The following CCDC92B variants were observed in gnomAD, a reference collection of about 807,000 sequenced individuals.
CCDC92B encodes the protein coiled-coil domain-containing 92B.
CCDC92B carries 2 observed loss-of-function variants against 5.6 expected under a neutral mutation model. That is an observed-to-expected ratio of 0.36 (90% CI 0.15 to 1.12). The LOEUF (loss-of-function observed/expected upper bound fraction) is 1.12, where lower values mean the gene tolerates loss of function less well. Among genes scored for constraint, CCDC92B ranks in the 50% most tolerant of loss-of-function variants. CCDC92B has a pLI of 0.40. For synonymous variants in CCDC92B, 115 were observed against 122.3 expected, an observed-to-expected ratio of 0.94 and a Z score of 0.39; for missense variants, 271 against 262.2, an observed-to-expected ratio of 1.03 and a Z score of -0.23.
intron 3 of CCDC92B, among the ~76,000 whole-genome samples, chr17:2,729,364 T>G (rs1009080070): frequency 1.3e-4 from 20 of 152,100 alleles, no homozygotes; most frequent in African/African-American, 3.4e-4. Flanking sequence ...GATGGTGGTG[T>G]GCGCCTGTTG....
intron 2 of CCDC92B, among the ~76,000 whole-genome samples, chr17:2,732,543 C>G (rs2070805419): frequency 6.6e-6 from 1 of 151,956 alleles, no homozygotes; most frequent in Admixed American, 6.6e-5. Context: ...GTGGTGAAAC[C>G]CCATCTCTAC....
At chr17:2,738,761 A>C (rs908223292) in intron 1 of CCDC92B, among the ~76,000 whole-genome samples, 1 of 143,998 alleles carries the variant, frequency 6.9e-6, no homozygotes, top group African/African-American at 2.6e-5. Flanking sequence ...CTCGTCTCAA[A>C]AAAAAAAAAA....
At position 2,733,168 on chromosome 17, in the gene CCDC92B, C is replaced by G. The variant is rs1218834392; in HGVS notation, c.130+1848G>C. 2.6e-5 allele frequency among the ~76,000 whole-genome samples: 4 copies of G among 151,454 alleles called. No individual in the cohort carries two copies. The South Asian group carries it at 8.3e-4, about 32-fold the overall frequency. ...CTGCTCCACATTTTGGGATCTGGCC[C>G]GTGTCCTAAAAAGAGCCACAAGTTC... is the stretch of plus-strand genomic sequence containing the variant. On this transcript the variant is annotated intron_variant, in intron 2 of 3. Coordinates refer to ENST00000614400, the MANE Select transcript of CCDC92B (RefSeq NM_001355573.2).
At chr17:2,733,027 AATAAAAAT>A (rs1224015132) in intron 2 of CCDC92B, among the ~76,000 whole-genome samples, 3 of 123,630 alleles carry the variant, frequency 2.4e-5, no homozygotes, top group Admixed American at 7.9e-5. Flanking sequence ...TAAATAAATA[AATAAAAAT>A]AAATAAATAA....
chr17:2,735,035 C>T lies in CCDC92B; in HGVS notation c.111G>A (p.Arg37=), dbSNP rs117855876. Residue 37 remains arginine, a synonymous_variant, in exon 2 of 4, where the codon AGG becomes AGA. Coordinates refer to ENST00000614400, the MANE Select transcript of CCDC92B (RefSeq NM_001355573.2). ...CCTCACCTGAGCAGCGTTTCTGCAG[C>T]CTCAGGATCTCCAGGTGCAGGTCTC... ...LLRDLHLEIL[R]LQKRCSELTH... 0.021 allele frequency: 20,744 copies of T among 985,602 alleles called. 254 individuals carry two copies. The highest frequency in any genetic ancestry group is 0.036 in the Middle Eastern group (68 of 1,914). 61.1% of individuals were successfully genotyped at this position (985,602 alleles called of 1,614,324 possible). A position where few individuals can be genotyped will look rare whatever the true frequency, so the allele number is the denominator to read the frequency against.
chr17:2,740,576 T>C (rs138448269), intron 1 of CCDC92B, among the ~76,000 whole-genome samples: 5,733 of 151,568 alleles, frequency 0.038, 410 homozygotes, highest in African/African-American at 0.13. Context: ...AGCAGGAGAA[T>C]CACTTGAACC....
Position 2,722,902 on chromosome 17 carries a change from G to C in CCDC92B, c.*1509C>G, listed in dbSNP as rs2070673335. 1 of 152,596 alleles carries C rather than the reference G, an allele frequency of 6.6e-6. No individual in the cohort carries two copies. The highest frequency in any genetic ancestry group is 2.1e-4 in the South Asian group (1 of 4,842). The allele number at this position is 152,596 out of a possible 1,614,324, so 9.5% of individuals were successfully genotyped here. A position where few individuals can be genotyped will look rare whatever the true frequency, so the allele number is the denominator to read the frequency against. On this transcript the variant is annotated 3_prime_UTR_variant, in exon 4 of 4. Coordinates refer to ENST00000614400, the MANE Select transcript of CCDC92B (RefSeq NM_001355573.2). ...TTGTGTTTCCTTCTAGGCTGGGCTG[G>C]GGGTGGGGGAATAAGCTGCGCTGAA...
chr17:2,732,788 C>T (rs190235787), intron 2 of CCDC92B, among the ~76,000 whole-genome samples: 11,420 of 151,002 alleles, frequency 0.076, 467 homozygotes, highest in Middle Eastern at 0.12. Flanking sequence ...CCGAGGTGGG[C>T]GGATCACGAG....
intron 1 of CCDC92B, among the ~76,000 whole-genome samples, chr17:2,749,023 G>A (rs1348315821): frequency 6.6e-6 from 1 of 152,222 alleles, no homozygotes; most frequent in East Asian, 1.9e-4. Flanking sequence ...CCCCCTTCAG[G>A]CTTCAGGTTC....
intron 3 of CCDC92B, 106 bp downstream of exon 3, chr17:2,730,340 C>T: frequency 1.7e-6 from 1 of 598,708 alleles, no homozygotes; most frequent in African/African-American, 2.0e-5. Flanking sequence ...GTGACTATCC[C>T]CAAGTCTAGG....
chr17:2,743,878 A>AT (rs891380376), intron 1 of CCDC92B, among the ~76,000 whole-genome samples: 111 of 151,310 alleles, frequency 7.3e-4, no homozygotes, highest in South Asian at 7.1e-3. Context: ...ATTTTTATGT[A>AT]TTTTTTTTTA....
intron 2 of CCDC92B, among the ~76,000 whole-genome samples, chr17:2,732,784 TGGGCG>T (rs2070809657): frequency 6.7e-6 from 1 of 149,824 alleles, no homozygotes; most frequent in Non-Finnish European, 1.5e-5. Context: ...GAGGCCGAGG[TGGGCG>T]GATCACGAGG....
rs897386766 is a variant in CCDC92B, at chr17:2,721,193, T to C, written c.*3218A>G. The C allele has an allele frequency of 5.9e-5, 9 of 152,472 alleles. No homozygotes were observed. Among genetic ancestry groups the C allele is most frequent in the African/African-American group, 2.2e-4 (9 of 41,568 alleles). 9.4% of individuals were successfully genotyped at this position (152,472 alleles called of 1,614,324 possible). A position where few individuals can be genotyped will look rare whatever the true frequency, so the allele number is the denominator to read the frequency against. ...GCTAGAGGGTGCTGTGGCTGAGCTG[T>C]GGGGGCCAGGGGTACAGAGCCTCAA... On this transcript the variant is annotated 3_prime_UTR_variant, in exon 4 of 4. Coordinates refer to ENST00000614400, the MANE Select transcript of CCDC92B (RefSeq NM_001355573.2).
At chr17:2,736,078 T>TGGCAGAGGAG (rs1212177822) in intron 1 of CCDC92B, among the ~76,000 whole-genome samples, 3 of 152,252 alleles carry the variant, frequency 2.0e-5, no homozygotes, top group Admixed American at 6.5e-5. Flanking sequence ...GAAGATCTGG[T>TGGCAGAGGAG]GAATGTTTCA....
chr17:2,726,819 T>C (rs927312168), intron 3 of CCDC92B, among the ~76,000 whole-genome samples: 7 of 151,824 alleles, frequency 4.6e-5, no homozygotes, highest in Admixed American at 3.3e-4. Flanking sequence ...TTCACCATAT[T>C]GGCCTGGCTG....
intron 1 of CCDC92B, among the ~76,000 whole-genome samples, chr17:2,743,774 A>G (rs2070951213): frequency 6.6e-6 from 1 of 152,162 alleles, no homozygotes; most frequent in African/African-American, 2.4e-5. Flanking sequence ...TCATCACCCA[A>G]TTTAAAATAG....
intron 3 of CCDC92B, among the ~76,000 whole-genome samples, chr17:2,727,597 G>A (rs1597233811): frequency 6.6e-6 from 1 of 152,182 alleles, no homozygotes; most frequent in African/African-American, 2.4e-5. Flanking sequence ...AGGCCAAGGT[G>A]GGCGGATCAC....
intron 1 of CCDC92B, among the ~76,000 whole-genome samples, chr17:2,745,057 A>T (rs1470566460): frequency 9.1e-6 from 1 of 110,176 alleles, no homozygotes; most frequent in African/African-American, 3.3e-5. Flanking sequence ...AGACAGTGAG[A>T]CCCTGTCTCA....
chr17:2,742,932 A>G (rs1262116510), intron 1 of CCDC92B, among the ~76,000 whole-genome samples: 1 of 152,184 alleles, frequency 6.6e-6, no homozygotes, highest in African/African-American at 2.4e-5. Flanking sequence ...TTTATATTCC[A>G]TAGTCAATCC....
Sources: allele counts gnomAD v4.1 joint callset (sites outside exome capture counted in the v4.1 genomes callset), GRCh38; gene constraint gnomAD v4.1.1; transcripts MANE v1.5; gene names NCBI Gene and HGNC (gene_info 2026-07-23, HGNC 2026-07-21).